Variants in NLRP11 observed in about 807,000 individuals in gnomAD.
NLRP11 encodes the protein NACHT, LRR and PYD domains-containing protein 11.
Under a neutral mutation model 79.3 loss-of-function variants are expected in NLRP11, and 53 were observed. The ratio of observed to expected loss-of-function variants is 0.67; its 90% CI spans 0.54 to 0.84. The LOEUF (loss-of-function observed/expected upper bound fraction) is 0.84, where lower values mean the gene tolerates loss of function less well. Among genes scored for constraint, NLRP11 ranks in the 40% least tolerant of loss-of-function variants. The probability of loss-of-function intolerance (pLI) is 0.00; values close to 1 mark genes in which losing one functional copy is unlikely to be tolerated. For missense variants in NLRP11, 1,264 were observed against 1,255.0 expected (o/e 1.01, Z -0.11); for synonymous variants, 518 against 462.6 (o/e 1.12, Z -1.54).
chr19:55,835,753 C>A (rs1404693737), upstream of NLRP11, among the ~76,000 whole-genome samples: 1 of 150,430 alleles, frequency 6.6e-6, no homozygotes, highest in African/African-American at 2.5e-5. Flanking sequence ...GAGGCCGAGG[C>A]GGTCAGAACA....
At chr19:55,797,209 G>A (rs796474330) in intron 5 of NLRP11, among the ~76,000 whole-genome samples, 254 of 152,116 alleles carry the variant, frequency 1.7e-3, no homozygotes, top group African/African-American at 5.9e-3. Flanking sequence ...TGAGGTGGGC[G>A]GATCACTTGA....
chr19:55,818,083 G>C (rs760870911), exon 2 of NLRP11: 1 of 1,613,904 alleles, frequency 6.2e-7, no homozygotes, highest in Non-Finnish European at 8.5e-7. Context: ...AATCTTGCGT[G>C]CCAGATACTT....
intron 5 of NLRP11, among the ~76,000 whole-genome samples, chr19:55,796,571 G>A (rs750745996): frequency 3.9e-5 from 6 of 152,068 alleles, no homozygotes; most frequent in African/African-American, 7.2e-5. Flanking sequence ...ATGTGGGTAC[G>A]ATCACATTTA....
chr19:55,807,567 C>T (rs1226798691), intron 4 of NLRP11, among the ~76,000 whole-genome samples: 1 of 152,132 alleles, frequency 6.6e-6, no homozygotes, highest in Non-Finnish European at 1.5e-5. Context: ...TTTGAAAAGA[C>T]TCCATCAAGG....
rs566668337 is a variant in NLRP11, at chr19:55,808,961, T to C, written c.1649A>G (p.Tyr550Cys). ...CACAAATTCTTCTTCCCGATTCTCA[T>C]AGAGACAGTAAAACAAAGGCATATG... Residue 550 changes from tyrosine to cysteine, a missense_variant, in exon 3 of 10, where the codon TAT (tyrosine) becomes TGT (cysteine). Tyr to Cys is a radical substitution (Grantham distance 194). Transcript: ENST00000589093. The C allele has an allele frequency of 3.1e-6, 5 of 1,614,118 alleles. No homozygotes were observed. The highest frequency in any genetic ancestry group is 1.1e-5 in the South Asian group (1 of 91,082).
At chr19:55,836,292 G>A (rs1040848178), upstream of NLRP11, 2 of 152,138 alleles carry the variant, frequency 1.3e-5, no homozygotes, top group African/African-American at 4.8e-5. Context: ...GAGACTGGAG[G>A]AGCATCCCTG....
intron 2 of NLRP11, among the ~76,000 whole-genome samples, chr19:55,815,312 T>A (rs1980998830): frequency 6.6e-6 from 1 of 152,044 alleles, no homozygotes; most frequent in South Asian, 2.1e-4. Context: ...GCGGATCACC[T>A]GAGGTCAGGA....
chr19:55,833,279 T>C (rs990530245), upstream of NLRP11, among the ~76,000 whole-genome samples: 5 of 152,142 alleles, frequency 3.3e-5, no homozygotes, highest in African/African-American at 1.2e-4. Context: ...AAATAGACCT[T>C]TATATTCAGT....
At chr19:55,835,985 A>G (rs958613003), upstream of NLRP11, among the ~76,000 whole-genome samples, 1 of 152,202 alleles carries the variant, frequency 6.6e-6, no homozygotes, top group African/African-American at 2.4e-5. Context: ...TTAGCCGGGC[A>G]TGGTGGTGTG....
chr19:55,790,650 C>A (rs923460154), intron 7 of NLRP11, among the ~76,000 whole-genome samples: 1 of 152,066 alleles, frequency 6.6e-6, no homozygotes, highest in African/African-American at 2.4e-5. Flanking sequence ...AAAGCAGATT[C>A]CAGAAGATCC....
chr19:55,828,333 G>A (rs1982426023), intron 1 of NLRP11, among the ~76,000 whole-genome samples: 1 of 151,490 alleles, frequency 6.6e-6, no homozygotes, highest in South Asian at 2.1e-4. Flanking sequence ...AAGTTAGTGG[G>A]TGCAGCGCAC....
chr19:55,806,337 A>AACAACTTTAG (rs1186844002), intron 4 of NLRP11, among the ~76,000 whole-genome samples: 1 of 152,188 alleles, frequency 6.6e-6, no homozygotes, highest in African/African-American at 2.4e-5. Flanking sequence ...CTTTAGCTCA[A>AACAACTTTAG]ACAACTTTAG....
chr19:55,800,558 C>T (rs1317626431), intron 5 of NLRP11, among the ~76,000 whole-genome samples: 1 of 152,088 alleles, frequency 6.6e-6, no homozygotes, highest in Non-Finnish European at 1.5e-5. Flanking sequence ...TCAAGTGATC[C>T]ACATCCTCTG....
At chr19:55,822,781 G>C (rs1022659609) in intron 1 of NLRP11, among the ~76,000 whole-genome samples, 4 of 152,140 alleles carry the variant, frequency 2.6e-5, no homozygotes, top group African/African-American at 7.2e-5. Context: ...GAGTCTCGCT[G>C]ATTGCTAGCA....
At position 55,809,289 on chromosome 19, in the gene NLRP11, T is replaced by C. The variant is rs761805519; in HGVS notation, c.1321A>G (p.Thr441Ala). Residue 441 changes from threonine to alanine, a missense_variant, in exon 3 of 10, where the codon ACT becomes GCT. Transcript: ENST00000589093. The surrounding 1 kb of genome is among the most constrained non-coding windows in gnomAD (Gnocchi z 4.5). ...ATGAACTTGTAACGGTCTTTATGAG[T>C]GTTGCTCGGCAAAAGAATATTCGCG... 2 of 1,613,952 alleles carry C rather than the reference T, an allele frequency of 1.2e-6. No homozygotes were observed. Among genetic ancestry groups the C allele is most frequent in the African/African-American group, 1.3e-5 (1 of 75,018 alleles).
chr19:55,801,504 A>G (rs1163225171), intron 5 of NLRP11, 68 bp downstream of exon 5: 1 of 1,250,590 alleles, frequency 8.0e-7, no homozygotes, highest in Non-Finnish European at 1.2e-6. Flanking sequence ...TTGAAGGGGC[A>G]CCTCTATCCA....
chr19:55,793,995 T>A (rs759532378), intron 6 of NLRP11, among the ~76,000 whole-genome samples: 7 of 152,170 alleles, frequency 4.6e-5, no homozygotes, highest in Non-Finnish European at 1.0e-4. Context: ...TTCCTCAGAC[T>A]ACTGTGATTT....
At chr19:55,819,607 T>C (rs1981486509) in intron 1 of NLRP11, among the ~76,000 whole-genome samples, 1 of 152,240 alleles carries the variant, frequency 6.6e-6, no homozygotes, top group African/African-American at 2.4e-5. Flanking sequence ...AACATCTCCA[T>C]GGTTTTACAG....
chr19:55,828,673 A>C (rs1354794972), intron 1 of NLRP11, among the ~76,000 whole-genome samples: 7 of 152,214 alleles, frequency 4.6e-5, no homozygotes, highest in African/African-American at 1.7e-4. Context: ...GGAAAATGCA[A>C]GCTTTCCATC....
Sources: gnomAD v4.1 joint callset for allele counts (sites outside exome capture counted in the v4.1 genomes callset) on GRCh38, gnomAD v4.1.1 for gene constraint, Gnocchi (gnomAD v3.1) non-coding constraint, MANE v1.5 for transcripts, NCBI Gene and HGNC (gene_info 2026-07-23, HGNC 2026-07-21) for gene names.